The following PDE5A variants were observed in gnomAD, a reference collection of about 807,000 sequenced individuals.
The protein encoded by PDE5A is phosphodiesterase 5A.
In PDE5A, 67 loss-of-function variants were observed where a neutral mutation model predicts 110.2. That is an observed-to-expected ratio of 0.61 (90% CI 0.50 to 0.75). The LOEUF (loss-of-function observed/expected upper bound fraction) is 0.75, where lower values mean the gene tolerates loss of function less well. Ranked by LOEUF, PDE5A falls within the 30% of genes least tolerant of loss-of-function variation. The pLI is 0.00. For synonymous variants in PDE5A, 328 were observed against 351.2 expected (o/e 0.93, Z 0.74); for missense variants, 862 against 1,045.1 (o/e 0.82, Z 2.42).
rs1578715612 is a variant in PDE5A at position 119,498,699 on chromosome 4, C to G, written c.2530G>C (p.Asp844His). Residue 844 changes from aspartate to histidine, a missense_variant, in exon 21 of 21, where the codon GAT (aspartate) becomes CAT (histidine). Transcript: ENST00000354960. The part of the protein sequence containing the change: ...HVSEDCFPLL[D>H]GCRKNRQKWQ... ...TTCTGCCTGTTCTTTCTGCAGCCATCTAGCAAAGGGAAACAGTCCTCTGAC... is the reference window on the plus strand; with the variant it reads ...TTCTGCCTGTTCTTTCTGCAGCCATGTAGCAAAGGGAAACAGTCCTCTGAC... 1 of 1,613,924 alleles carries G rather than the reference C, an allele frequency of 6.2e-7. No homozygotes were observed. Among genetic ancestry groups the G allele is most frequent in the Non-Finnish European group, 8.5e-7 (1 of 1,179,904 alleles).
At position 119,628,748 on chromosome 4, in the gene PDE5A, G is replaced by A. The variant is rs755087908; in HGVS notation, c.-77C>T. On this transcript the variant is annotated 5_prime_UTR_variant, in exon 1 of 21. Transcript: ENST00000354960. ...CTGGGGTCCGTCCCTCAGAAGAACA[G>A]GACTCGGCCTCGAGACCCTCCCCCT... The A allele has an allele frequency of 1.9e-6, 3 of 1,573,202 alleles. No individual in the cohort carries two copies. The highest frequency in any genetic ancestry group is 2.6e-6 in the Non-Finnish European group (3 of 1,164,322).
At position 119,565,367 on chromosome 4, in the gene PDE5A, T is replaced by A; in HGVS notation, c.947A>T (p.Asn316Ile). 6.2e-7 allele frequency: 1 copy of A among 1,612,654 alleles called. No homozygotes were observed. Residue 316 changes from asparagine to isoleucine, a missense_variant, in exon 5 of 21, where the codon AAT becomes ATT. Transcript: ENST00000354960. ...YLAFCGIVLH[N>I]AQLYETSLLE... ...CAGTGAAGTCTCATAGAGCTGAGCA[T>A]TATGAAGAACAATACCACAAAATGC...
In PDE5A at chr4:119,501,161, T is replaced by A; in HGVS notation, c.2490+9A>T. The A allele has an allele frequency of 1.3e-6, 2 of 1,568,194 alleles. No individual in the cohort carries two copies. Among genetic ancestry groups the A allele is most frequent in the Non-Finnish European group, 1.8e-6 (2 of 1,139,086 alleles). Reference sequence around the variant, plus strand: ...AGTTTAGCAAGTCTAGTAGTTTTCATATAAATACCTCATACAGTTGCAAGC... The same window carrying A: ...AGTTTAGCAAGTCTAGTAGTTTTCAAATAAATACCTCATACAGTTGCAAGC... On this transcript the variant is annotated intron_variant, in intron 20 of 20. Coordinates refer to ENST00000354960, the MANE Select transcript of PDE5A (RefSeq NM_001083.4).
intron 1 of PDE5A, among the ~76,000 whole-genome samples, chr4:119,615,902 C>T (rs574946780): frequency 3.3e-5 from 5 of 152,292 alleles, no homozygotes; most frequent in African/African-American, 1.2e-4. Context: ...AAGAAAGCCA[C>T]AGCCATGGAA....
At chr4:119,601,905 G>T (rs1342950950) in intron 2 of PDE5A, among the ~76,000 whole-genome samples, 2 of 152,122 alleles carry the variant, frequency 1.3e-5, no homozygotes, top group Non-Finnish European at 2.9e-5. Flanking sequence ...AAAATAACAG[G>T]CCTGTACCCT....
Position 119,529,308 on chromosome 4 carries a change from C to T in PDE5A, c.1633-3613G>A, listed in dbSNP as rs374922916. On this transcript the variant is annotated intron_variant, in intron 11 of 20. Transcript: ENST00000354960. The stretch of plus-strand genomic sequence containing the variant: ...AACTTTTTTTATGTCTCAGCTGCAT[C>T]AGGGAAACATTCACTAGTCCTTGTG... Among the ~76,000 whole-genome samples the T allele has an allele frequency of 2.6e-5, 4 of 152,238 alleles. No individual in the cohort carries two copies. The East Asian group carries it at 7.7e-4, about 29-fold the overall frequency.
intron 17 of PDE5A, among the ~76,000 whole-genome samples, chr4:119,505,180 AT>A (rs1469603153): frequency 6.6e-6 from 1 of 151,926 alleles, no homozygotes. Flanking sequence ...ATCCATCTAT[AT>A]TTTTATTTAA....
At chr4:119,620,943 G>A (rs1730121646) in intron 1 of PDE5A, among the ~76,000 whole-genome samples, 2 of 152,166 alleles carry the variant, frequency 1.3e-5, no homozygotes, top group African/African-American at 2.4e-5. Context: ...CCAAATTGTA[G>A]CAAAGGCCAG....
At position 119,542,473 on chromosome 4, in the gene PDE5A, T is replaced by C; in HGVS notation, c.1558A>G (p.Met520Val). Residue 520 changes from methionine (M) to valine (V), a missense_variant, in exon 10 of 21, where the codon ATG (methionine) becomes GTG (valine). By Grantham distance (21) the Met-to-Val change is conservative. Coordinates refer to ENST00000354960, the MANE Select transcript of PDE5A (RefSeq NM_001083.4). ...EAVERAMAKQ[M>V]VTLEVLSYHA... ...ACTTCACCCACCTCCAATGTGACCA[T>C]TTGCTTGGCCATGGCTCTCTCCACT... The C allele has an allele frequency of 6.2e-7, 1 of 1,613,822 alleles. No individual in the cohort carries two copies. Among genetic ancestry groups the C allele is most frequent in the Non-Finnish European group, 8.5e-7 (1 of 1,179,824 alleles).
At chr4:119,620,989 C>G (rs1730123093) in intron 1 of PDE5A, among the ~76,000 whole-genome samples, 1 of 152,174 alleles carries the variant, frequency 6.6e-6, no homozygotes, top group Non-Finnish European at 1.5e-5. Context: ...TAGTTAGAAC[C>G]ATATCTACTT....
intron 1 of PDE5A, among the ~76,000 whole-genome samples, chr4:119,619,546 A>T (rs1287151372): frequency 6.6e-6 from 1 of 152,098 alleles, no homozygotes; most frequent in East Asian, 1.9e-4. Context: ...TCCCACAAAA[A>T]CTTCTGTTCG....
chr4:119,524,661 C>G (rs1418474392), intron 12 of PDE5A, among the ~76,000 whole-genome samples: 2 of 152,086 alleles, frequency 1.3e-5, no homozygotes, highest in Non-Finnish European at 2.9e-5. Context: ...TGAATTAATA[C>G]AATGCTAAAT....
chr4:119,538,782 T>G (rs1468131236), intron 11 of PDE5A, 178 bp downstream of exon 11: 2 of 623,068 alleles, frequency 3.2e-6, no homozygotes, highest in Non-Finnish European at 5.8e-6. Context: ...TACACTATAT[T>G]ACACAGTCAG....
At chr4:119,554,108 C>T (rs1727456904) in intron 7 of PDE5A, among the ~76,000 whole-genome samples, 1 of 152,076 alleles carries the variant, frequency 6.6e-6, no homozygotes, top group Non-Finnish European at 1.5e-5. Flanking sequence ...GCTTGTTTCA[C>T]TTCCTCATTA....
chr4:119,532,941 A>G (rs1378659181), intron 11 of PDE5A, among the ~76,000 whole-genome samples: 1 of 152,178 alleles, frequency 6.6e-6, no homozygotes, highest in African/African-American at 2.4e-5. Flanking sequence ...AAATTACGGA[A>G]ACTGGAAACA....
chr4:119,499,374 A>C (rs1168826523), intron 20 of PDE5A, among the ~76,000 whole-genome samples: 2 of 152,222 alleles, frequency 1.3e-5, no homozygotes, highest in Admixed American at 6.5e-5. Flanking sequence ...TAAAATATGG[A>C]TATAATGACA....
At chr4:119,611,564 G>A (rs992761738) in intron 1 of PDE5A, among the ~76,000 whole-genome samples, 1 of 152,156 alleles carries the variant, frequency 6.6e-6, no homozygotes, top group Admixed American at 6.5e-5. Flanking sequence ...TGCAGTGCCT[G>A]GTGCAGCATA....
intron 16 of PDE5A, 34 bp from the exon 17 acceptor site, chr4:119,505,966 T>C: frequency 2.4e-6 from 3 of 1,255,084 alleles, no homozygotes; most frequent in Non-Finnish European, 3.4e-6. Context: ...TTAGTTATAA[T>C]GAGTACCCAG....
rs1030057877 is a variant in PDE5A, at chr4:119,628,128, G to T, written c.152+392C>A. On this transcript the variant is annotated intron_variant, in intron 1 of 20. Coordinates refer to ENST00000354960, the MANE Select transcript of PDE5A (RefSeq NM_001083.4). Reference sequence around the variant, plus strand: ...GAGCCATCAAGACCGACTTGGAAATGGTGCTTCCGGAGCTGCAGGGAAGGG... The same window carrying T: ...GAGCCATCAAGACCGACTTGGAAATTGTGCTTCCGGAGCTGCAGGGAAGGG... 10 of 656,290 alleles carry T rather than the reference G, an allele frequency of 1.5e-5. No homozygotes were observed. In the African/African-American group the frequency reaches 1.8e-4, roughly 11 times the overall value. 40.7% of individuals were successfully genotyped at this position (656,290 alleles called of 1,614,324 possible).
Sources: allele counts gnomAD v4.1 joint callset (sites outside exome capture counted in the v4.1 genomes callset), GRCh38; gene constraint gnomAD v4.1.1; transcripts MANE v1.5; gene names NCBI Gene and HGNC (gene_info 2026-07-23, HGNC 2026-07-21).